Variants in NKAIN3 observed in about 807,000 individuals in gnomAD.
NKAIN3 encodes sodium/potassium-transporting ATPase subunit beta-1-interacting protein 3.
In NKAIN3, 25 loss-of-function variants were observed where a neutral mutation model predicts 30.2. That is an observed-to-expected ratio of 0.83 (90% CI 0.60 to 1.16). The LOEUF (loss-of-function observed/expected upper bound fraction) is 1.16, where lower values mean the gene tolerates loss of function less well. Ranked by LOEUF, NKAIN3 falls within the 50% of genes most tolerant of loss-of-function variation. NKAIN3 has a pLI of 0.00. For synonymous variants in NKAIN3, 91 were observed against 89.6 expected (o/e 1.02, Z -0.09); for missense variants, 225 against 254.1 (o/e 0.89, Z 0.78).
chr8:62,794,407 G>A lies in NKAIN3; in HGVS notation c.471+47278G>A, dbSNP rs145207675. On this transcript the variant is annotated intron_variant, in intron 4 of 6. Transcript: ENST00000623646. ...AATGAATGCTATTAATAGATAAAAT[G>A]TCATCAGGCAAAAGCAGAGCTCAGT... Among the ~76,000 whole-genome samples the A allele has an allele frequency of 3.3e-5, 5 of 152,228 alleles. No individual in the cohort carries two copies. The East Asian group carries it at 9.7e-4, about 29-fold the overall frequency.
intron 1 of NKAIN3, among the ~76,000 whole-genome samples, chr8:62,425,204 G>T (rs1804771235): frequency 6.6e-6 from 1 of 151,744 alleles, no homozygotes; most frequent in Non-Finnish European, 1.5e-5. Flanking sequence ...GAGATCTATT[G>T]TTCAACATTG....
In NKAIN3 at chr8:62,362,309, G is replaced by T. The variant is rs141720660; in HGVS notation, c.54+113182G>T. ...CTGCATAGCTCAAATGGTCATAATG[G>T]TTTCAGGCATTTTGAAAGCTGGGCA... is the stretch of plus-strand genomic sequence containing the variant. On this transcript the variant is annotated intron_variant, in intron 1 of 6. Coordinates refer to ENST00000623646, the MANE Select transcript of NKAIN3 (RefSeq NM_001304533.3). Among the ~76,000 whole-genome samples the T allele has an allele frequency of 3.0e-5, 4 of 132,432 alleles. No individual in the cohort carries two copies. The East Asian group carries it at 9.2e-4, about 31-fold the overall frequency. The allele number at this position is 132,432 out of a possible 152,430, so 86.9% of individuals were successfully genotyped here. A position where few individuals can be genotyped will look rare whatever the true frequency, so the allele number is the denominator to read the frequency against.
intron 1 of NKAIN3, among the ~76,000 whole-genome samples, chr8:62,401,648 A>G (rs1167240199): frequency 6.6e-6 from 1 of 151,968 alleles, no homozygotes; most frequent in Admixed American, 6.6e-5. Flanking sequence ...ATTAGGAGGA[A>G]CCCCACGCCC....
intron 3 of NKAIN3, among the ~76,000 whole-genome samples, chr8:62,642,926 A>G (rs939879217): frequency 6.6e-6 from 1 of 152,162 alleles, no homozygotes; most frequent in South Asian, 2.1e-4. Context: ...AAAATAAAAA[A>G]TTTATTGGAA....
chr8:62,633,124 C>T (rs543647276), intron 3 of NKAIN3, among the ~76,000 whole-genome samples: 46 of 152,188 alleles, frequency 3.0e-4, no homozygotes, highest in African/African-American at 1.0e-3. Flanking sequence ...CTACTAGCTA[C>T]GTGATTGAGA....
At chr8:62,406,341 C>T (rs1804065470) in intron 1 of NKAIN3, among the ~76,000 whole-genome samples, 1 of 152,080 alleles carries the variant, frequency 6.6e-6, no homozygotes, top group African/African-American at 2.4e-5. Flanking sequence ...TATGTAAGCT[C>T]TTAAGAGAGA....
Position 62,413,952 on chromosome 8 carries a change from A to G in NKAIN3, c.54+164825A>G, listed in dbSNP as rs150060383. ...CTCATTAATATTAGACATAATAGGA[A>G]CTTATTTATACTATTAGACATAGAT... On this transcript the variant is annotated intron_variant, in intron 1 of 6. Transcript: ENST00000623646. Among the ~76,000 whole-genome samples the G allele has an allele frequency of 4.9e-3, 744 of 152,212 alleles. 7 individuals are homozygous for G. The highest frequency in any genetic ancestry group is 0.01 in the Middle Eastern group (3 of 294).
intron 1 of NKAIN3, among the ~76,000 whole-genome samples, chr8:62,470,487 T>C (rs1459058020): frequency 1.3e-5 from 2 of 152,228 alleles, no homozygotes; most frequent in Middle Eastern, 3.4e-3. Flanking sequence ...TGTGGACATG[T>C]TGACTTAATT....
chr8:62,481,395 T>G (rs1473576470), intron 1 of NKAIN3, among the ~76,000 whole-genome samples: 1 of 152,158 alleles, frequency 6.6e-6, no homozygotes. Context: ...AGCTGGATTA[T>G]GTATCCCTCT....
In NKAIN3 at chr8:62,963,690, C is replaced by A. The variant is rs558906635; in HGVS notation, c.604-1664C>A. 6.6e-5 allele frequency among the ~76,000 whole-genome samples: 10 copies of A among 152,086 alleles called. No individual in the cohort carries two copies. In the South Asian group the frequency reaches 2.1e-3, roughly 32 times the overall value. On this transcript the variant is annotated intron_variant, in intron 6 of 6. Transcript: ENST00000623646. ...TTTAGTTTAAATCCCTGTTAACATG[C>A]CAAGGAGTAGAAAGGGTAGACATTG... is the stretch of plus-strand genomic sequence containing the variant.
At chr8:62,804,415 A>C (rs1207278225) in intron 4 of NKAIN3, among the ~76,000 whole-genome samples, 1 of 152,200 alleles carries the variant, frequency 6.6e-6, no homozygotes, top group Non-Finnish European at 1.5e-5. Flanking sequence ...AATACTGGCA[A>C]ACCAAATCCA....
chr8:62,753,460 A>G (rs1816350854), intron 4 of NKAIN3, among the ~76,000 whole-genome samples: 1 of 152,138 alleles, frequency 6.6e-6, no homozygotes, highest in Non-Finnish European at 1.5e-5. Context: ...CATAATACAC[A>G]ATGAGATCAT....
At chr8:62,838,337 C>A (rs1049727089) in intron 4 of NKAIN3, among the ~76,000 whole-genome samples, 5 of 151,724 alleles carry the variant, frequency 3.3e-5, no homozygotes, top group South Asian at 4.2e-4. Flanking sequence ...TATACACACA[C>A]ACATATATAC....
At chr8:62,901,919 C>T (rs143670715) in intron 4 of NKAIN3, among the ~76,000 whole-genome samples, 4 of 152,212 alleles carry the variant, frequency 2.6e-5, no homozygotes, top group African/African-American at 9.6e-5. Context: ...GAGCTCCAGA[C>T]ATTGCCATTT....
intron 1 of NKAIN3, among the ~76,000 whole-genome samples, chr8:62,523,048 CGTCTA>C (rs1191905876): frequency 6.6e-6 from 1 of 152,230 alleles, no homozygotes; most frequent in East Asian, 1.9e-4. Flanking sequence ...CCCAGAGCAA[CGTCTA>C]GTCCTGCAAG....
At chr8:62,404,361 G>A (rs1051517475) in intron 1 of NKAIN3, among the ~76,000 whole-genome samples, 2 of 152,128 alleles carry the variant, frequency 1.3e-5, no homozygotes, top group Admixed American at 1.3e-4. Flanking sequence ...GGAATGATAT[G>A]GTTTTGCTGT....
intron 5 of NKAIN3, among the ~76,000 whole-genome samples, chr8:62,942,132 GA>G (rs1423724127): frequency 2.0e-5 from 3 of 150,080 alleles, no homozygotes; most frequent in African/African-American, 7.3e-5. Context: ...ACAAAGCTGT[GA>G]ATCAAATAAG....
chr8:62,897,509 A>T (rs938277669), intron 4 of NKAIN3, among the ~76,000 whole-genome samples: 1 of 152,148 alleles, frequency 6.6e-6, no homozygotes, highest in Non-Finnish European at 1.5e-5. Context: ...TAGACACTCT[A>T]AGAGTAAGCC....
At chr8:62,593,220 A>G (rs2130117058) in intron 3 of NKAIN3, among the ~76,000 whole-genome samples, 1 of 152,138 alleles carries the variant, frequency 6.6e-6, no homozygotes, top group East Asian at 1.9e-4. Flanking sequence ...GAATGACTGA[A>G]ATAATACAGA....
Sources: gnomAD v4.1 joint callset for allele counts (sites outside exome capture counted in the v4.1 genomes callset) on GRCh38, gnomAD v4.1.1 for gene constraint, MANE v1.5 for transcripts, NCBI Gene and HGNC (gene_info 2026-07-23, HGNC 2026-07-21) for gene names.